Variants in SIMC1 observed in about 807,000 individuals in gnomAD.
SIMC1 encodes the protein SUMO interacting motifs containing 1.
A neutral mutation model predicts 82.3 loss-of-function variants in SIMC1; 55 were observed. The ratio of observed to expected loss-of-function variants is 0.67; its 90% CI spans 0.54 to 0.84. The LOEUF (loss-of-function observed/expected upper bound fraction) is 0.84. Ranked by LOEUF, SIMC1 falls within the 40% of genes least tolerant of loss-of-function variation. The pLI, the probability that SIMC1 is intolerant of heterozygous loss-of-function variation, is 0.00. For synonymous variants in SIMC1, 353 were observed against 426.3 expected, an observed-to-expected ratio of 0.83 and a Z score of 2.12; for missense variants, 915 against 1,107.2, an observed-to-expected ratio of 0.83 and a Z score of 2.46.
At chr5:176,265,361 T>TA (rs1240747457) in intron 1 of SIMC1, among the ~76,000 whole-genome samples, 1 of 152,096 alleles carries the variant, frequency 6.6e-6, no homozygotes, top group East Asian at 1.9e-4. Context: ...CTCCAAAGAG[T>TA]AAAATTAACC....
intron 4 of SIMC1, among the ~76,000 whole-genome samples, chr5:176,305,676 C>T (rs1764313342): frequency 1.7e-5 from 2 of 117,216 alleles, no homozygotes; most frequent in Non-Finnish European, 3.7e-5. Context: ...AGCCCCTCTG[C>T]CCGGCCAGCC....
chr5:176,332,827 G>A (rs1375492069), intron 7 of SIMC1, among the ~76,000 whole-genome samples: 5 of 152,108 alleles, frequency 3.3e-5, no homozygotes, highest in African/African-American at 9.7e-5. Flanking sequence ...CTATAGTACA[G>A]TATCACAACC....
At chr5:176,283,193 G>T (rs1042853351) in intron 1 of SIMC1, among the ~76,000 whole-genome samples, 8 of 152,160 alleles carry the variant, frequency 5.3e-5, no homozygotes, top group Admixed American at 1.3e-4. Context: ...GATACTCCTT[G>T]AGAAGAGCAA....
At chr5:176,294,822 G>C in intron 2 of SIMC1, 1 of 519,930 alleles carries the variant, frequency 1.9e-6, no homozygotes, top group Non-Finnish European at 3.3e-6. Flanking sequence ...AAAATTAGCC[G>C]GGCGTGGTGG....
intron 5 of SIMC1, among the ~76,000 whole-genome samples, chr5:176,316,057 C>T (rs976780292): frequency 1.3e-5 from 2 of 152,024 alleles, no homozygotes; most frequent in African/African-American, 4.8e-5. Context: ...TGCCTGTAAT[C>T]CCAGCTACTT....
At chr5:176,259,508 C>T (rs1022636177) in intron 1 of SIMC1, among the ~76,000 whole-genome samples, 4 of 152,222 alleles carry the variant, frequency 2.6e-5, no homozygotes, top group African/African-American at 7.2e-5. Context: ...TGTGGTGGCT[C>T]ACGCCTATAA....
intron 1 of SIMC1, among the ~76,000 whole-genome samples, chr5:176,279,445 T>C (rs1380501193): frequency 6.6e-6 from 1 of 152,176 alleles, no homozygotes; most frequent in Non-Finnish European, 1.5e-5. Context: ...CATTAATTTC[T>C]TGAAGGGTTT....
intron 1 of SIMC1, among the ~76,000 whole-genome samples, chr5:176,284,275 G>A (rs1177965757): frequency 1.3e-5 from 2 of 152,214 alleles, no homozygotes; most frequent in African/African-American, 4.8e-5. Flanking sequence ...ATAGTTGGAA[G>A]TAAAGCACTC....
chr5:176,333,039 C>T (rs1765732114), intron 7 of SIMC1, among the ~76,000 whole-genome samples: 1 of 152,178 alleles, frequency 6.6e-6, no homozygotes, highest in African/African-American at 2.4e-5. Flanking sequence ...CACAATGGCT[C>T]ACGCCTATAA....
chr5:176,276,311 T>C (rs1256756476), intron 1 of SIMC1, among the ~76,000 whole-genome samples: 2 of 151,658 alleles, frequency 1.3e-5, no homozygotes, highest in Non-Finnish European at 2.9e-5. Context: ...TTGGGATCGG[T>C]GGTGATCTCC....
chr5:176,331,140 G>A (rs1414041555), intron 7 of SIMC1, among the ~76,000 whole-genome samples: 1 of 152,036 alleles, frequency 6.6e-6, no homozygotes, highest in Admixed American at 6.6e-5. Flanking sequence ...GGAGGCCAAG[G>A]CGGGTGGATC....
At chr5:176,305,904 G>A (rs1418696359) in intron 4 of SIMC1, among the ~76,000 whole-genome samples, 1 of 88,748 alleles carries the variant, frequency 1.1e-5, no homozygotes, top group African/African-American at 4.6e-5. Flanking sequence ...GGGAGGTGAG[G>A]GGCGCTTCTG....
rs140914253 is a variant in SIMC1, at chr5:176,286,494, G to C, written c.130-3160G>C. 2.5e-3 allele frequency among the ~76,000 whole-genome samples: 386 copies of C among 152,278 alleles called. 3 individuals carry two copies. Among genetic ancestry groups the C allele is most frequent in the African/African-American group, 8.8e-3 (365 of 41,570 alleles). ...CTTATACAAAAATTAATTCAAGATG[G>C]ATTAAAGACTTAAATGTTAGATCTA... On this transcript the variant is annotated intron_variant, in intron 1 of 9. Transcript: ENST00000429602.
At chr5:176,266,476 G>A (rs926999637) in intron 1 of SIMC1, among the ~76,000 whole-genome samples, 4 of 151,794 alleles carry the variant, frequency 2.6e-5, no homozygotes, top group Admixed American at 2.0e-4. Flanking sequence ...GAAACCATAA[G>A]AACAAAGATA....
intron 1 of SIMC1, among the ~76,000 whole-genome samples, chr5:176,281,244 G>A (rs1488508619): frequency 2.0e-5 from 3 of 152,164 alleles, no homozygotes; most frequent in Non-Finnish European, 4.4e-5. Context: ...GCTTCTGCAT[G>A]CTTCACGTAG....
In SIMC1 at chr5:176,337,130, T is replaced by C; in HGVS notation, c.2397T>C (p.Tyr799=). ...ATCTGCAGTTTCTGCTGTCCAGTTA[T>C]CAACATGTTTTAAGAGGTAAGGAGC... ...VEHLQFLLSS[Y]QHVLREHLRS... is the part of the protein sequence containing the mutation. The change falls in exon 9 of 10, where the codon TAT becomes TAC. Residue 799 remains tyrosine (Y), a synonymous_variant. Transcript: ENST00000429602. 2 of 1,613,964 alleles carry C rather than the reference T, an allele frequency of 1.2e-6. No individual in the cohort carries two copies. The highest frequency in any genetic ancestry group is 1.7e-6 in the Non-Finnish European group (2 of 1,179,866).
At chr5:176,276,951 G>A (rs1044723573) in intron 1 of SIMC1, among the ~76,000 whole-genome samples, 5 of 150,574 alleles carry the variant, frequency 3.3e-5, no homozygotes, top group Non-Finnish European at 7.4e-5. Context: ...ATAGTCCTTT[G>A]GGTATATACC....
intron 1 of SIMC1, among the ~76,000 whole-genome samples, chr5:176,273,475 T>C (rs1762537012): frequency 6.6e-6 from 1 of 152,078 alleles, no homozygotes; most frequent in African/African-American, 2.4e-5. Flanking sequence ...ACCACAAAGA[T>C]GGGGAGAAAC....
At chr5:176,280,404 G>T (rs1217340578) in intron 1 of SIMC1, among the ~76,000 whole-genome samples, 1 of 152,030 alleles carries the variant, frequency 6.6e-6, no homozygotes, top group African/African-American at 2.4e-5. Context: ...GCCAGTCTGT[G>T]TCTTTTAATT....
Sources: allele counts gnomAD v4.1 joint callset (sites outside exome capture counted in the v4.1 genomes callset), GRCh38; gene constraint gnomAD v4.1.1; transcripts MANE v1.5; gene names NCBI Gene and HGNC (gene_info 2026-07-23, HGNC 2026-07-21).